PCDHGB1: variants seen among roughly 807,000 people sequenced by gnomAD.
PCDHGB1 encodes the protein protocadherin gamma subfamily B, 1.
In PCDHGB1, 34 loss-of-function variants were observed where a neutral mutation model predicts 56.6. The ratio of observed to expected loss-of-function variants is 0.60; its 90% confidence interval spans 0.46 to 0.80. The LOEUF is 0.80. Ranked by LOEUF, PCDHGB1 falls within the 30% of genes least tolerant of loss-of-function variation. The pLI, the probability that PCDHGB1 is intolerant of heterozygous loss-of-function variation, is 0.00. For missense variants in PCDHGB1, 1,278 were observed against 1,204.6 expected (o/e 1.06, Z -0.90); for synonymous variants, 561 against 505.9 (o/e 1.11, Z -1.46).
intron 1 of PCDHGB1, among the ~76,000 whole-genome samples, chr5:141,465,206 C>T (rs375753635): frequency 1.8e-4 from 27 of 151,896 alleles, no homozygotes; most frequent in Middle Eastern, 3.4e-3. Context: ...AAAATATAAG[C>T]TTTATTTTTC....
chr5:141,375,378 T>G, intron 1 of PCDHGB1: 1 of 1,613,954 alleles, frequency 6.2e-7, no homozygotes, highest in Non-Finnish European at 8.5e-7. Context: ...ACACCACCTC[T>G]GTCTACAGAA....
intron 2 of PCDHGB1, among the ~76,000 whole-genome samples, chr5:141,499,133 T>C (rs1443866975): frequency 6.6e-6 from 1 of 152,184 alleles, no homozygotes; most frequent in East Asian, 1.9e-4. Context: ...GGTCATCCTT[T>C]GGGTGTCTGA....
At chr5:141,478,333 G>C in intron 1 of PCDHGB1, 5 of 1,613,928 alleles carry the variant, frequency 3.1e-6, no homozygotes, top group Non-Finnish European at 4.2e-6. Flanking sequence ...GAACACCAGG[G>C]CCCTCCTTGC....
chr5:141,500,294 C>T (rs755761935), intron 2 of PCDHGB1, among the ~76,000 whole-genome samples: 3 of 151,732 alleles, frequency 2.0e-5, no homozygotes, highest in Non-Finnish European at 2.9e-5. Flanking sequence ...CTGCAAGCTC[C>T]GCCTCCCAGG....
At chr5:141,384,287 A>G in intron 1 of PCDHGB1, 1 of 1,613,838 alleles carries the variant, frequency 6.2e-7, no homozygotes, top group South Asian at 1.1e-5. Context: ...TACATCGCTG[A>G]GAACAACCCC....
At chr5:141,355,102 C>T in intron 1 of PCDHGB1, 1 of 1,501,220 alleles carries the variant, frequency 6.7e-7, no homozygotes, top group Non-Finnish European at 8.9e-7. Flanking sequence ...AGAGCTCTGG[C>T]TGTGAATGCA....
chr5:141,448,763 A>AC (rs1372638258), intron 1 of PCDHGB1, among the ~76,000 whole-genome samples: 11 of 151,572 alleles, frequency 7.3e-5, no homozygotes, highest in Admixed American at 5.3e-4. Flanking sequence ...ACACGGTGAA[A>AC]CCCCGTCTGT....
intron 1 of PCDHGB1, among the ~76,000 whole-genome samples, chr5:141,460,961 A>ATATG (rs1463306338): frequency 3.5e-5 from 5 of 144,556 alleles, no homozygotes; most frequent in African/African-American, 1.3e-4. Flanking sequence ...GTATATATAT[A>ATATG]TGTGTGTGTG....
chr5:141,408,855 G>T, intron 1 of PCDHGB1: 1 of 1,613,572 alleles, frequency 6.2e-7, no homozygotes, highest in Non-Finnish European at 8.5e-7. Context: ...TTGGACGGAG[G>T]GGACCCACCA....
intron 1 of PCDHGB1, among the ~76,000 whole-genome samples, chr5:141,481,790 A>C (rs2154579313): frequency 6.6e-6 from 1 of 152,222 alleles, no homozygotes; most frequent in East Asian, 1.9e-4. Flanking sequence ...CGTCTCTACT[A>C]AAAATACAAA....
At chr5:141,409,967 AC>A (rs779248187) in intron 1 of PCDHGB1, 29 of 1,613,086 alleles carry the variant, frequency 1.8e-5, no homozygotes, top group Non-Finnish European at 2.4e-5. Flanking sequence ...CTACCTAGTG[AC>A]TAAGGTGGTA....
chr5:141,392,801 C>A, intron 1 of PCDHGB1: 1 of 1,570,660 alleles, frequency 6.4e-7, no homozygotes, highest in Admixed American at 1.9e-5. Flanking sequence ...GAGGATTCTG[C>A]AGCAAAACAA....
rs778496260 is a variant in PCDHGB1 at position 141,376,289 on chromosome 5, C to T, written c.2409+23620C>T. On this transcript the variant is annotated intron_variant, in intron 1 of 3. Coordinates refer to ENST00000523390, the MANE Select transcript of PCDHGB1 (RefSeq NM_018922.3). ...TTCGGGAGGTGGCTTAGCGAGCATGCCCGGCTCGCACTTTGTGGGCGTGGA... is the reference window on the plus strand; with the variant it reads ...TTCGGGAGGTGGCTTAGCGAGCATGTCCGGCTCGCACTTTGTGGGCGTGGA... 3.7e-6 allele frequency: 6 copies of T among 1,614,060 alleles called. No homozygotes were observed. The highest frequency in any genetic ancestry group is 5.1e-6 in the Non-Finnish European group (6 of 1,180,046).
At chr5:141,455,430 G>C (rs190218223) in intron 1 of PCDHGB1, among the ~76,000 whole-genome samples, 1 of 152,274 alleles carries the variant, frequency 6.6e-6, no homozygotes, top group Admixed American at 6.5e-5. Flanking sequence ...CTCCAAAAGA[G>C]GAGGTCCCCA....
intron 1 of PCDHGB1, chr5:141,405,551 A>G: frequency 1.6e-6 from 1 of 623,672 alleles, no homozygotes; most frequent in Non-Finnish European, 2.8e-6. Context: ...TCCCAAGTAG[A>G]GTAGCTGGGA....
In PCDHGB1 at chr5:141,351,805, C is replaced by A; in HGVS notation, c.1545C>A (p.Ala515=). The A allele has an allele frequency of 1.9e-6, 3 of 1,613,350 alleles. No homozygotes were observed. Among genetic ancestry groups the A allele is most frequent in the Non-Finnish European group, 2.5e-6 (3 of 1,179,896 alleles). ...GCGGGGTGGTGTTCGCGCAGCGCGCCTTCGACCACGAGCAGCTGCGCGCCT... is the reference window on the plus strand; with the variant it reads ...GCGGGGTGGTGTTCGCGCAGCGCGCATTCGACCACGAGCAGCTGCGCGCCT... The part of the protein sequence containing the change: ...PQSGVVFAQR[A]FDHEQLRAFE... Residue 515 remains alanine, a synonymous_variant, in exon 1 of 4, where the codon GCC becomes GCA. Transcript: ENST00000523390.
At chr5:141,359,052 T>TCACATA (rs1024764249) in intron 1 of PCDHGB1, among the ~76,000 whole-genome samples, 3 of 152,256 alleles carry the variant, frequency 2.0e-5, no homozygotes, top group African/African-American at 7.2e-5. Context: ...CTGTGGAATA[T>TCACATA]GCCTCAATTT....
At chr5:141,475,132 T>C (rs563015610) in intron 1 of PCDHGB1, among the ~76,000 whole-genome samples, 14 of 152,322 alleles carry the variant, frequency 9.2e-5, no homozygotes, top group African/African-American at 2.6e-4. Context: ...TTTTTTCTTT[T>C]TGAAATCTTC....
At chr5:141,389,513 C>G (rs749432491) in intron 1 of PCDHGB1, 2 of 1,613,038 alleles carry the variant, frequency 1.2e-6, no homozygotes, top group African/African-American at 1.3e-5. Flanking sequence ...TCAGCGCGAA[C>G]GTGAGCCTGC....
Sources: gnomAD v4.1 joint callset for allele counts (sites outside exome capture counted in the v4.1 genomes callset) on GRCh38, gnomAD v4.1.1 for gene constraint, MANE v1.5 for transcripts, NCBI Gene and HGNC (gene_info 2026-07-23, HGNC 2026-07-21) for gene names.